Variants in COL21A1 observed in about 807,000 individuals in gnomAD.
COL21A1 encodes collagen alpha-1(XXI) chain.
A neutral mutation model predicts 137.9 loss-of-function variants in COL21A1; 149 were observed. That is an observed-to-expected ratio of 1.08 (90% CI 0.95 to 1.24). The LOEUF (loss-of-function observed/expected upper bound fraction) is 1.24, where lower values mean the gene tolerates loss of function less well. Ranked by LOEUF, COL21A1 falls within the 50% of genes most tolerant of loss-of-function variation. The pLI is 0.00. For missense variants in COL21A1, 1,167 were observed against 1,158.4 expected (o/e 1.01, Z -0.11); for synonymous variants, 456 against 391.5 (o/e 1.16, Z -1.95).
chr6:56,333,416 G>A (rs1023261061), intron 1 of COL21A1, among the ~76,000 whole-genome samples: 6 of 151,254 alleles, frequency 4.0e-5, no homozygotes, highest in Admixed American at 1.3e-4. Context: ...GGATTCCTCT[G>A]ATCAGCATAA....
chr6:56,349,272 A>G (rs1486243625), intron 1 of COL21A1, among the ~76,000 whole-genome samples: 7 of 152,282 alleles, frequency 4.6e-5, no homozygotes, highest in Non-Finnish European at 8.8e-5. Flanking sequence ...GAGGTAAGAA[A>G]TGAAACCACA....
chr6:56,111,868 C>A (rs578095595), intron 16 of COL21A1, among the ~76,000 whole-genome samples: 3 of 151,410 alleles, frequency 2.0e-5, no homozygotes, highest in Non-Finnish European at 4.4e-5. Context: ...GGGTGAGACT[C>A]TGTCTCAAAA....
intron 1 of COL21A1, among the ~76,000 whole-genome samples, chr6:56,223,866 T>C (rs1781016825): frequency 6.6e-6 from 1 of 152,044 alleles, no homozygotes; most frequent in Non-Finnish European, 1.5e-5. Flanking sequence ...TTTTATTTTA[T>C]TTTTTTAAAC....
At chr6:56,290,094 C>T (rs1011170538) in intron 1 of COL21A1, among the ~76,000 whole-genome samples, 3 of 152,156 alleles carry the variant, frequency 2.0e-5, no homozygotes, top group Non-Finnish European at 2.9e-5. Context: ...CTCTAGGTCC[C>T]TTCTTCAGCC....
At chr6:56,075,809 G>C (rs1023719553) in intron 18 of COL21A1, among the ~76,000 whole-genome samples, 2 of 151,318 alleles carry the variant, frequency 1.3e-5, no homozygotes, top group African/African-American at 4.8e-5. Flanking sequence ...GTAAACAACA[G>C]AAATAAAAAT....
intron 1 of COL21A1, among the ~76,000 whole-genome samples, chr6:56,338,021 G>A (rs1318776788): frequency 6.8e-6 from 1 of 146,600 alleles, no homozygotes; most frequent in African/African-American, 2.5e-5. Flanking sequence ...GGAGTGCAGT[G>A]GCGCAATCTC....
rs202194022 is a variant in COL21A1 at position 56,231,456 on chromosome 6, AT to A, written c.-39+15930del. On this transcript the variant is annotated intron_variant, in intron 1 of 29. Transcript: ENST00000244728. ...TAGTACTGAGAACTAGACTCTCTGT[AT>A]CCCAACCAAGACCACTAAGACATTG... 8.8e-3 allele frequency among the ~76,000 whole-genome samples: 1,331 copies of A among 151,964 alleles called. 15 individuals are homozygous for A. The highest frequency in any genetic ancestry group is 0.011 in the Non-Finnish European group (774 of 67,858).
intron 1 of COL21A1, among the ~76,000 whole-genome samples, chr6:56,374,808 G>T (rs2093996388): frequency 1.3e-5 from 2 of 151,754 alleles, no homozygotes; most frequent in East Asian, 3.9e-4. Context: ...TAACATCTAG[G>T]TATTATTAGG....
chr6:56,137,513 T>C (rs1774090036), intron 12 of COL21A1, among the ~76,000 whole-genome samples: 1 of 152,172 alleles, frequency 6.6e-6, no homozygotes, highest in Non-Finnish European at 1.5e-5. Context: ...AACACAGTGA[T>C]GGGGATTCCA....
At chr6:56,368,779 A>G (rs1315840288) in intron 1 of COL21A1, among the ~76,000 whole-genome samples, 2 of 152,142 alleles carry the variant, frequency 1.3e-5, no homozygotes, top group African/African-American at 4.8e-5. Flanking sequence ...TCCTGTTCCT[A>G]TTCTCAGTGG....
At chr6:56,257,979 T>A (rs181600962) in intron 1 of COL21A1, among the ~76,000 whole-genome samples, 1 of 152,226 alleles carries the variant, frequency 6.6e-6, no homozygotes, top group East Asian at 1.9e-4. Context: ...ATTTCTGGAT[T>A]GAGATTATGG....
At position 56,060,157 on chromosome 6, in the gene COL21A1, T is replaced by C. The variant is rs1326828860; in HGVS notation, c.2469A>G (p.Gln823=). ...RIRNCDHCLS[Q]HGSPGIPGPP... ...GCCCAGGAATACCCGGGGAGCCATGTTGGGACAGGCAATGATCACAATTTC... is the reference window on the plus strand; with the variant it reads ...GCCCAGGAATACCCGGGGAGCCATGCTGGGACAGGCAATGATCACAATTTC... Residue 823 remains glutamine (Q), a synonymous_variant, in exon 28 of 30, where the codon CAA becomes CAG. Transcript: ENST00000244728. The C allele has an allele frequency of 2.5e-6, 4 of 1,611,190 alleles. No individual in the cohort carries two copies. The highest frequency in any genetic ancestry group is 2.2e-5 in the East Asian group (1 of 44,498).
intron 16 of COL21A1, among the ~76,000 whole-genome samples, chr6:56,102,499 A>G (rs928282139): frequency 6.6e-6 from 1 of 152,184 alleles, no homozygotes; most frequent in Non-Finnish European, 1.5e-5. Flanking sequence ...GATAGGAGGT[A>G]AAATAAAAGC....
chr6:56,167,766 C>G (rs980646372), intron 6 of COL21A1, among the ~76,000 whole-genome samples: 1 of 152,146 alleles, frequency 6.6e-6, no homozygotes, highest in African/African-American at 2.4e-5. Flanking sequence ...CTTGCAGCTG[C>G]AAAGACATTT....
intron 1 of COL21A1, among the ~76,000 whole-genome samples, chr6:56,283,513 T>G (rs1763831158): frequency 6.6e-6 from 1 of 152,166 alleles, no homozygotes; most frequent in African/African-American, 2.4e-5. Flanking sequence ...TAATTCTTAT[T>G]CTCTTCTTCA....
chr6:56,131,408 A>T (rs544830422), intron 12 of COL21A1, among the ~76,000 whole-genome samples: 53 of 151,814 alleles, frequency 3.5e-4, no homozygotes, highest in South Asian at 8.4e-4. Flanking sequence ...ATTAAAAGAA[A>T]TAGACCAAGT....
At chr6:56,271,067 G>A (rs1763514521) in intron 1 of COL21A1, among the ~76,000 whole-genome samples, 1 of 152,316 alleles carries the variant, frequency 6.6e-6, no homozygotes, top group Middle Eastern at 3.4e-3. Flanking sequence ...ACAGGAAGAG[G>A]TTGGAACAGT....
chr6:56,201,636 T>C (rs1779415554), intron 1 of COL21A1, among the ~76,000 whole-genome samples: 1 of 152,058 alleles, frequency 6.6e-6, no homozygotes, highest in African/African-American at 2.4e-5. Flanking sequence ...ATTTAAAAAT[T>C]TAAGAATTCA....
chr6:56,337,543 G>A, intron 1 of COL21A1, among the ~76,000 whole-genome samples: 1 of 152,228 alleles, frequency 6.6e-6, no homozygotes, highest in Admixed American at 6.5e-5. Context: ...CTTCAGCTCT[G>A]GAGTCAGACA....
Sources: gnomAD v4.1 joint callset for allele counts (sites outside exome capture counted in the v4.1 genomes callset) on GRCh38, gnomAD v4.1.1 for gene constraint, MANE v1.5 for transcripts, NCBI Gene and HGNC (gene_info 2026-07-23, HGNC 2026-07-21) for gene names.